ADAMTS19: variants seen among roughly 807,000 people sequenced by gnomAD.
The protein encoded by ADAMTS19 is ADAM metallopeptidase with thrombospondin type 1 motif 19.
Under a neutral mutation model 153.3 loss-of-function variants are expected in ADAMTS19, and 93 were observed. The observed-to-expected ratio is 0.61, with a 90% CI of 0.51 to 0.72. ADAMTS19 has a LOEUF of 0.72. Among genes scored for constraint, ADAMTS19 ranks in the 30% least tolerant of loss-of-function variants. The probability of loss-of-function intolerance (pLI) is 0.00; values close to 1 mark genes in which losing one functional copy is unlikely to be tolerated. For missense variants in ADAMTS19, 1,482 were observed against 1,552.1 expected (o/e 0.95, Z 0.76); for synonymous variants, 600 against 556.6 (o/e 1.08, Z -1.10).
intron 6 of ADAMTS19, among the ~76,000 whole-genome samples, chr5:129,536,502 G>T (rs555124198): frequency 6.6e-6 from 1 of 152,160 alleles, no homozygotes; most frequent in Non-Finnish European, 1.5e-5. Context: ...AAGTCAGTGT[G>T]GCGATTCCTC....
intron 15 of ADAMTS19, among the ~76,000 whole-genome samples, chr5:129,662,861 A>C (rs1561635176): frequency 7.1e-6 from 1 of 141,236 alleles, no homozygotes; most frequent in African/African-American, 2.7e-5. Flanking sequence ...AACAGATGAG[A>C]TCTCCTCCTT....
intron 2 of ADAMTS19, among the ~76,000 whole-genome samples, chr5:129,492,724 AT>A (rs1366453964): frequency 6.6e-6 from 1 of 152,170 alleles, no homozygotes; most frequent in African/African-American, 2.4e-5. Context: ...TTTAAAATAA[AT>A]TCAAATCATA....
At chr5:129,718,147 C>T (rs1231080308) in intron 21 of ADAMTS19, among the ~76,000 whole-genome samples, 1 of 152,012 alleles carries the variant, frequency 6.6e-6, no homozygotes, top group African/African-American at 2.4e-5. Context: ...TTTTTTTCTT[C>T]CATTGTTGTG....
At chr5:129,715,518 T>G (rs1756683746) in intron 21 of ADAMTS19, among the ~76,000 whole-genome samples, 1 of 152,184 alleles carries the variant, frequency 6.6e-6, no homozygotes, top group African/African-American at 2.4e-5. Context: ...ATATTCGAAT[T>G]GTAGTATCAG....
intron 8 of ADAMTS19, among the ~76,000 whole-genome samples, chr5:129,616,074 A>G (rs1388859410): frequency 1.3e-5 from 2 of 151,946 alleles, no homozygotes; most frequent in Non-Finnish European, 2.9e-5. Context: ...TTGCTTTTAT[A>G]TAGCCTTTTG....
At chr5:129,587,428 C>T (rs559793433) in intron 7 of ADAMTS19, among the ~76,000 whole-genome samples, 4 of 151,846 alleles carry the variant, frequency 2.6e-5, no homozygotes, top group Non-Finnish European at 4.4e-5. Context: ...GACCTGCTCA[C>T]GCAAGCCTGG....
At chr5:129,487,283 A>G (rs1273932914) in intron 2 of ADAMTS19, among the ~76,000 whole-genome samples, 1 of 152,124 alleles carries the variant, frequency 6.6e-6, no homozygotes, top group Non-Finnish European at 1.5e-5. Flanking sequence ...CTTAAAATGC[A>G]GGATGGTAGT....
chr5:129,583,575 A>T (rs1749633660), intron 7 of ADAMTS19, among the ~76,000 whole-genome samples: 1 of 151,820 alleles, frequency 6.6e-6, no homozygotes, highest in African/African-American at 2.4e-5. Context: ...GTCTTTTCAC[A>T]TAGTGCCGTA....
intron 8 of ADAMTS19, among the ~76,000 whole-genome samples, chr5:129,611,062 G>A (rs1001505383): frequency 2.0e-5 from 3 of 152,086 alleles, no homozygotes; most frequent in African/African-American, 2.4e-5. Flanking sequence ...ATTTTTTCAC[G>A]TCTGTTGGCT....
chr5:129,705,423 A>T (rs1403664341), intron 21 of ADAMTS19, among the ~76,000 whole-genome samples: 1 of 152,172 alleles, frequency 6.6e-6, no homozygotes. Flanking sequence ...TTGAAATATA[A>T]GCTATTTTCT....
intron 18 of ADAMTS19, among the ~76,000 whole-genome samples, chr5:129,691,707 A>G (rs1365085339): frequency 6.6e-6 from 1 of 152,138 alleles, no homozygotes; most frequent in Non-Finnish European, 1.5e-5. Context: ...GTCCTTTCTT[A>G]CAATGTAAAT....
At chr5:129,638,531 T>A (rs1752629932) in intron 10 of ADAMTS19, among the ~76,000 whole-genome samples, 1 of 151,366 alleles carries the variant, frequency 6.6e-6, no homozygotes, top group Non-Finnish European at 1.5e-5. Flanking sequence ...CCCTTTTGAG[T>A]CTTTGTTTCC....
chr5:129,699,800 G>A (rs542942447), intron 19 of ADAMTS19, among the ~76,000 whole-genome samples: 26 of 152,232 alleles, frequency 1.7e-4, no homozygotes, highest in Admixed American at 1.4e-3. Context: ...TTTATTTTCC[G>A]AACAAGTGGG....
intron 21 of ADAMTS19, among the ~76,000 whole-genome samples, chr5:129,716,127 C>G (rs1756716909): frequency 6.6e-6 from 1 of 152,120 alleles, no homozygotes. Context: ...AGTCTCAACT[C>G]AAACTTCAGC....
intron 8 of ADAMTS19, among the ~76,000 whole-genome samples, chr5:129,610,895 C>A (rs900855702): frequency 6.6e-6 from 1 of 152,198 alleles, no homozygotes; most frequent in African/African-American, 2.4e-5. Context: ...AACTAGTTTA[C>A]AGTCCCACCA....
intron 11 of ADAMTS19, among the ~76,000 whole-genome samples, chr5:129,647,227 A>G: frequency 6.6e-6 from 1 of 151,536 alleles, no homozygotes; most frequent in African/African-American, 2.4e-5. Flanking sequence ...AAAAAAAAAA[A>G]AAAAAAAGCA....
intron 8 of ADAMTS19, among the ~76,000 whole-genome samples, chr5:129,606,216 T>C (rs1750885089): frequency 6.6e-6 from 1 of 152,186 alleles, no homozygotes; most frequent in Non-Finnish European, 1.5e-5. Context: ...GCCTTTGGAA[T>C]CAATAACATT....
At chr5:129,671,361 C>T (rs897477482) in intron 16 of ADAMTS19, among the ~76,000 whole-genome samples, 5 of 152,036 alleles carry the variant, frequency 3.3e-5, no homozygotes, top group Non-Finnish European at 7.4e-5. Flanking sequence ...CAATGTAGGA[C>T]ACATGGATGA....
chr5:129,626,394 A>G (rs1378318122), intron 10 of ADAMTS19, among the ~76,000 whole-genome samples: 1 of 152,118 alleles, frequency 6.6e-6, no homozygotes, highest in Non-Finnish European at 1.5e-5. Flanking sequence ...ATTATTTCCC[A>G]ATAACCTACC....
Sources: allele counts gnomAD v4.1 joint callset (sites outside exome capture counted in the v4.1 genomes callset), GRCh38; gene constraint gnomAD v4.1.1; transcripts MANE v1.5; gene names NCBI Gene and HGNC (gene_info 2026-07-23, HGNC 2026-07-21).